LRRK1: variants seen among roughly 807,000 people sequenced by gnomAD.
LRRK1 encodes the protein leucine rich repeat kinase 1.
In LRRK1, 113 loss-of-function variants were observed where a neutral mutation model predicts 209.1. That is an observed-to-expected ratio of 0.54 (90% CI 0.46 to 0.63). LRRK1 has a LOEUF of 0.63. Among genes scored for constraint, LRRK1 ranks in the 30% least tolerant of loss-of-function variants. The pLI is 0.00. For missense variants in LRRK1, 2,284 were observed against 2,632.2 expected, an observed-to-expected ratio of 0.87 and a Z score of 2.89; for synonymous variants, 1,144 against 1,099.7, an observed-to-expected ratio of 1.04 and a Z score of -0.80.
At chr15:101,010,628 G>T (rs1395388491) in intron 8 of LRRK1, 46 bp from the exon 9 acceptor site, 1 of 1,595,190 alleles carries the variant, frequency 6.3e-7, no homozygotes, top group Non-Finnish European at 8.5e-7. Context: ...TCTTGGTAGG[G>T]ATATTTTTAC....
At chr15:100,983,471 G>A (rs181681418) in intron 3 of LRRK1, 57 bp from the exon 4 acceptor site, 2 of 1,486,856 alleles carry the variant, frequency 1.3e-6, no homozygotes, top group Non-Finnish European at 1.8e-6. Context: ...AACGTCAGTT[G>A]TCTTGGCAGT....
chr15:101,060,454 C>T lies in LRRK1; in HGVS notation c.4680-717C>T, dbSNP rs928877176. The stretch of plus-strand genomic sequence containing the variant: ...AAGTTTTTGTTTGCTGTATTTTCTA[C>T]CATTTCTATCATCTGCAAATACGTT... On this transcript the variant is annotated intron_variant, in intron 29 of 33. Coordinates refer to ENST00000388948, the MANE Select transcript of LRRK1 (RefSeq NM_024652.6). Among the ~76,000 whole-genome samples, 5 of 152,172 alleles carry T rather than the reference C, an allele frequency of 3.3e-5. No homozygotes were observed. In the South Asian group the frequency reaches 8.3e-4, roughly 25 times the overall value.
At chr15:100,951,601 C>T (rs191991476) in intron 2 of LRRK1, among the ~76,000 whole-genome samples, 10 of 152,164 alleles carry the variant, frequency 6.6e-5, no homozygotes, top group South Asian at 6.2e-4. Flanking sequence ...TGGAATATTA[C>T]GCAGCAATAG....
Position 100,983,696 on chromosome 15 carries a change from C to A in LRRK1, c.430C>A (p.Pro144Thr). ...TGTGCAGGAATTGCTTGAGTCCTTA[C>A]CAGGTAAATCACAGGGCATGAGCTC... ...AVVQELLESL[P>T]GPCSPQRLLN... The change falls in exon 4 of 34, where the codon CCA becomes ACA. Residue 144 changes from proline (P) to threonine (T), a missense_variant. Around this residue, in one of 6 missense-constraint regions of LRRK1, gnomAD observed 134 missense variants for 191.7 expected, o/e 0.70. Coordinates refer to ENST00000388948, the MANE Select transcript of LRRK1 (RefSeq NM_024652.6). 6.2e-7 allele frequency: 1 copy of A among 1,608,702 alleles called. No homozygotes were observed. Among genetic ancestry groups the A allele is most frequent in the Non-Finnish European group, 8.5e-7 (1 of 1,176,752 alleles).
At chr15:100,953,580 G>T (rs2042698513) in intron 2 of LRRK1, among the ~76,000 whole-genome samples, 1 of 151,110 alleles carries the variant, frequency 6.6e-6, no homozygotes. Context: ...CTCTCCATCT[G>T]TCAAAGGACA....
chr15:100,922,442 T>TC lies in LRRK1; in HGVS notation c.-122-2069_-122-2068insC, dbSNP rs573384620. On this transcript the variant is annotated intron_variant, in intron 1 of 33. Transcript: ENST00000388948. Reference sequence around the variant, plus strand: ...GGTTAGCCTGAAATAATTTTAAGATTTTTTTTTTTTTAGAACTTAAAAACA... The same window carrying TC: ...GGTTAGCCTGAAATAATTTTAAGATTCTTTTTTTTTTTAGAACTTAAAAACA... Among the ~76,000 whole-genome samples, 123 of 101,560 alleles carry TC rather than the reference T, an allele frequency of 1.2e-3. 1 individual carries two copies. The highest frequency in any genetic ancestry group is 3.0e-3 in the African/African-American group (111 of 37,404). 66.6% of individuals were successfully genotyped at this position (101,560 alleles called of 152,430 possible).
intron 6 of LRRK1, among the ~76,000 whole-genome samples, chr15:100,993,063 C>A (rs2032234087): frequency 6.6e-6 from 1 of 152,198 alleles, no homozygotes; most frequent in Non-Finnish European, 1.5e-5. Context: ...TTCAGTACTG[C>A]AGGGCCTTCG....
At chr15:101,013,593 A>C (rs1365077169) in intron 10 of LRRK1, among the ~76,000 whole-genome samples, 1 of 152,198 alleles carries the variant, frequency 6.6e-6, no homozygotes, top group Non-Finnish European at 1.5e-5. Flanking sequence ...CAGCCTAAGA[A>C]ACAGAGCGAG....
rs55897723 is a variant in LRRK1 at position 101,065,915 on chromosome 15, G to A, written c.5478G>A (p.Thr1826=). 555 of 1,614,156 alleles carry A rather than the reference G, an allele frequency of 3.4e-4. 4 individuals are homozygous for A. The East Asian group carries it at 0.01, about 29-fold the overall frequency. Residue 1826 remains threonine (T), a synonymous_variant, in exon 32 of 34, where the codon ACG becomes ACA. Coordinates refer to ENST00000388948, the MANE Select transcript of LRRK1 (RefSeq NM_024652.6). ...TCATGTACAGTGAGGAGCTGGGCAC[G>A]CAGATCCTGATCCACCAGGAATCAC... ...VSIMYSEELG[T]QILIHQESLT...
intron 20 of LRRK1, among the ~76,000 whole-genome samples, chr15:101,031,781 C>T (rs992216762): frequency 1.3e-5 from 2 of 151,420 alleles, no homozygotes; most frequent in African/African-American, 4.9e-5. Context: ...GTCGCCCAGA[C>T]TGGAGTGCAG....
chr15:101,008,184 G>A (rs1335026493), intron 6 of LRRK1, among the ~76,000 whole-genome samples: 2 of 144,244 alleles, frequency 1.4e-5, no homozygotes, highest in Non-Finnish European at 3.0e-5. Context: ...AAAGAGGCTG[G>A]CCTCCTGCAA....
chr15:101,077,640 A>G lies in LRRK1; in HGVS notation c.*8792A>G, dbSNP rs975160390. The G allele has an allele frequency of 6.6e-6, 1 of 152,244 alleles. No individual in the cohort carries two copies. The highest frequency in any genetic ancestry group is 6.5e-5 in the Admixed American group (1 of 15,276). 9.4% of individuals were successfully genotyped at this position (152,244 alleles called of 1,614,324 possible). A position where few individuals can be genotyped will look rare whatever the true frequency, so the allele number is the denominator to read the frequency against. ...ATGTTTCTTCTAACAACCGCACAATATCACCCCTTACCACAAGACCTCCCT... is the reference window on the plus strand; with the variant it reads ...ATGTTTCTTCTAACAACCGCACAATGTCACCCCTTACCACAAGACCTCCCT... On this transcript the variant is annotated 3_prime_UTR_variant, in exon 34 of 34. Coordinates refer to ENST00000388948, the MANE Select transcript of LRRK1 (RefSeq NM_024652.6).
At chr15:100,981,032 A>G (rs995189171) in intron 3 of LRRK1, among the ~76,000 whole-genome samples, 15 of 152,272 alleles carry the variant, frequency 9.9e-5, no homozygotes, top group African/African-American at 2.7e-4. Flanking sequence ...TGTGAGTACT[A>G]TAAATAAATA....
chr15:100,936,734 G>A (rs1056037934), intron 2 of LRRK1, among the ~76,000 whole-genome samples: 1 of 152,216 alleles, frequency 6.6e-6, no homozygotes, highest in Non-Finnish European at 1.5e-5. Context: ...TGAGCCACTA[G>A]ACCCATGGGA....
rs1453433942 is a variant in LRRK1 at position 101,065,843 on chromosome 15, G to A, written c.5406G>A (p.Thr1802=). 5.0e-6 allele frequency: 8 copies of A among 1,613,954 alleles called. No homozygotes were observed. In the East Asian group the frequency reaches 6.7e-5, roughly 13 times the overall value. ...LDTEPPAASH[T]ANPKVPEGDS... is the part of the protein sequence containing the mutation. ...CGGAACCCCCGGCAGCCAGCCACAC[G>A]GCCAACCCAAAGGTGCCTGAGGGGG... The change falls in exon 32 of 34, where the codon ACG becomes ACA. Residue 1802 remains threonine (T), a synonymous_variant. Coordinates refer to ENST00000388948, the MANE Select transcript of LRRK1 (RefSeq NM_024652.6).
At chr15:100,938,154 C>T (rs773223838) in intron 2 of LRRK1, among the ~76,000 whole-genome samples, 11 of 152,054 alleles carry the variant, frequency 7.2e-5, no homozygotes, top group Admixed American at 2.6e-4. Context: ...CCACCACACC[C>T]GGCCACTTTT....
rs931062350 is a variant in LRRK1, at chr15:101,019,466, C to T, written c.1610-1587C>T. Among the ~76,000 whole-genome samples, 7 of 152,134 alleles carry T rather than the reference C, an allele frequency of 4.6e-5. No individual in the cohort carries two copies. In the East Asian group the frequency reaches 5.8e-4, roughly 13 times the overall value. On this transcript the variant is annotated intron_variant, in intron 12 of 33. Coordinates refer to ENST00000388948, the MANE Select transcript of LRRK1 (RefSeq NM_024652.6). ...TAGAAGGCCGGTGCACCTTTATTTCCGCAGGAGCCCCTGCAGTGAGTCCCA... is the reference window on the plus strand; with the variant it reads ...TAGAAGGCCGGTGCACCTTTATTTCTGCAGGAGCCCCTGCAGTGAGTCCCA...
At chr15:101,061,599 C>T (rs1178276352) in intron 30 of LRRK1, among the ~76,000 whole-genome samples, 1 of 152,188 alleles carries the variant, frequency 6.6e-6, no homozygotes, top group Non-Finnish European at 1.5e-5. Context: ...TCCCATAACA[C>T]TGCTAGTCAC....
intron 3 of LRRK1, among the ~76,000 whole-genome samples, chr15:100,978,307 A>C (rs1163858021): frequency 2.6e-5 from 4 of 152,228 alleles, no homozygotes; most frequent in Non-Finnish European, 4.4e-5. Context: ...GAGACTAGAC[A>C]GAAGGCAAGA....
Sources: allele counts gnomAD v4.1 joint callset (sites outside exome capture counted in the v4.1 genomes callset), GRCh38; gene constraint gnomAD v4.1.1; regional missense constraint gnomAD v4.1.1; transcripts MANE v1.5; gene names NCBI Gene and HGNC (gene_info 2026-07-23, HGNC 2026-07-21).